Variants in COL14A1 observed in about 807,000 individuals in gnomAD.
COL14A1 encodes collagen alpha-1(XIV) chain.
A neutral mutation model predicts 230.3 loss-of-function variants in COL14A1; 136 were observed. The observed-to-expected ratio is 0.59, with a 90% CI of 0.51 to 0.68. COL14A1 has a LOEUF of 0.68. Ranked by LOEUF, COL14A1 falls within the 30% of genes least tolerant of loss-of-function variation. The probability of loss-of-function intolerance (pLI) is 0.00; values close to 1 mark genes in which losing one functional copy is unlikely to be tolerated. For missense variants in COL14A1, 1,976 were observed against 2,215.8 expected (o/e 0.89, Z 2.17); for synonymous variants, 792 against 784.1 (o/e 1.01, Z -0.17).
At chr8:120,136,574 T>C (rs763880844) in intron 1 of COL14A1, among the ~76,000 whole-genome samples, 2 of 152,174 alleles carry the variant, frequency 1.3e-5, no homozygotes, top group Non-Finnish European at 2.9e-5. Flanking sequence ...TGTTAAATGC[T>C]ATTTGATAAT....
chr8:120,302,841 T>C (rs7829213), intron 36 of COL14A1, among the ~76,000 whole-genome samples: 82,151 of 152,102 alleles, frequency 0.54, 23,999 homozygotes, highest in African/African-American at 0.78. Context: ...AGGATGGCCA[T>C]TTTAACAGTA....
chr8:120,148,872 G>A (rs1815181258), intron 2 of COL14A1, among the ~76,000 whole-genome samples: 1 of 152,100 alleles, frequency 6.6e-6, no homozygotes, highest in Non-Finnish European at 1.5e-5. Flanking sequence ...TAAGTCTGGG[G>A]CTGAAAAACT....
intron 40 of COL14A1, among the ~76,000 whole-genome samples, chr8:120,316,369 C>T (rs77318626): frequency 0.025 from 3,746 of 152,176 alleles, 145 homozygotes; most frequent in African/African-American, 0.084. Flanking sequence ...AATAGAATGG[C>T]TTTCTGTAGT....
chr8:120,240,323 C>G (rs1401776854), intron 19 of COL14A1, among the ~76,000 whole-genome samples: 1 of 151,982 alleles, frequency 6.6e-6, no homozygotes, highest in Non-Finnish European at 1.5e-5. Context: ...AGGGACTCAC[C>G]TGAGGGTTCT....
intron 5 of COL14A1, among the ~76,000 whole-genome samples, chr8:120,188,867 AT>A (rs748218630): frequency 3.9e-5 from 6 of 152,188 alleles, no homozygotes; most frequent in Non-Finnish European, 8.8e-5. Context: ...TAGCTGCTGG[AT>A]TTTACACATT....
At chr8:120,326,465 A>G (rs1458068012) in intron 40 of COL14A1, among the ~76,000 whole-genome samples, 1 of 152,224 alleles carries the variant, frequency 6.6e-6, no homozygotes, top group Non-Finnish European at 1.5e-5. Flanking sequence ...TTTCTGGGTA[A>G]TATGACAAAT....
intron 23 of COL14A1, among the ~76,000 whole-genome samples, chr8:120,257,417 T>C (rs995848029): frequency 2.0e-5 from 3 of 152,186 alleles, no homozygotes; most frequent in African/African-American, 7.2e-5. Context: ...AAGATTCTAA[T>C]TGACAACTGG....
chr8:120,168,137 G>A lies in COL14A1; in HGVS notation c.350-24G>A, dbSNP rs143608048. On this transcript the variant is annotated intron_variant, in intron 4 of 47. Coordinates refer to ENST00000297848, the MANE Select transcript of COL14A1 (RefSeq NM_021110.4). ...CTTTTAGATTTTAGTATAACATGGT[G>A]CTGTATCTCTACTTTTCTTCCAGTT... is the stretch of plus-strand genomic sequence containing the variant. 1,416 of 1,481,986 alleles carry A rather than the reference G, an allele frequency of 9.6e-4. 2 individuals are homozygous for A. Among genetic ancestry groups the A allele is most frequent in the Non-Finnish European group, 1.2e-3 (1,308 of 1,065,296 alleles). The allele number at this position is 1,481,986 out of a possible 1,614,324, so 91.8% of individuals were successfully genotyped here. A position where few individuals can be genotyped will look rare whatever the true frequency, so the allele number is the denominator to read the frequency against.
At chr8:120,252,006 T>A (rs758902286) in intron 22 of COL14A1, among the ~76,000 whole-genome samples, 10 of 151,804 alleles carry the variant, frequency 6.6e-5, no homozygotes, top group Non-Finnish European at 1.2e-4. Context: ...TTTTTCTAGC[T>A]TTATTGAGGT....
At chr8:120,345,675 A>C in intron 45 of COL14A1, 112 bp downstream of exon 45, 1 of 909,264 alleles carries the variant, frequency 1.1e-6, no homozygotes, top group Non-Finnish European at 1.5e-6. Context: ...ACTTAAATTA[A>C]TTCTGCCCCA....
At chr8:120,321,693 A>C (rs1350206965) in intron 40 of COL14A1, among the ~76,000 whole-genome samples, 4 of 152,030 alleles carry the variant, frequency 2.6e-5, no homozygotes, top group Non-Finnish European at 2.9e-5. Context: ...GGACACAGGC[A>C]TGGTACAAAT....
At chr8:120,159,512 C>T (rs1452285667) in intron 3 of COL14A1, among the ~76,000 whole-genome samples, 1 of 151,902 alleles carries the variant, frequency 6.6e-6, no homozygotes, top group Admixed American at 6.6e-5. Flanking sequence ...TATGGAGCTA[C>T]AAGCCTTTCA....
chr8:120,141,443 G>T (rs2130433099), intron 1 of COL14A1, among the ~76,000 whole-genome samples: 1 of 152,126 alleles, frequency 6.6e-6, no homozygotes, highest in African/African-American at 2.4e-5. Flanking sequence ...TGCTTGGAAG[G>T]CTGAGGTGGG....
intron 14 of COL14A1, among the ~76,000 whole-genome samples, chr8:120,217,172 A>G (rs1817777422): frequency 6.6e-6 from 1 of 152,204 alleles, no homozygotes; most frequent in South Asian, 2.1e-4. Flanking sequence ...TGTATTAAAA[A>G]TAATGTCACT....
chr8:120,219,529 C>T lies in COL14A1; in HGVS notation c.1737+3039C>T, dbSNP rs369723271. ...ATAGTTGGAGCTTTCTACCTGTGCC[C>T]TTACCTGGTGGAAGGAGCAGACAAG... On this transcript the variant is annotated intron_variant, in intron 14 of 47. Coordinates refer to ENST00000297848, the MANE Select transcript of COL14A1 (RefSeq NM_021110.4). 8.3e-4 allele frequency among the ~76,000 whole-genome samples: 126 copies of T among 152,276 alleles called. 1 individual carries two copies. The highest frequency in any genetic ancestry group is 3.0e-3 in the African/African-American group (123 of 41,548).
At chr8:120,312,061 C>A (rs1821061471) in intron 37 of COL14A1, among the ~76,000 whole-genome samples, 1 of 152,034 alleles carries the variant, frequency 6.6e-6, no homozygotes, top group Non-Finnish European at 1.5e-5. Context: ...CACACCACTG[C>A]ACTCCAGCCT....
chr8:120,185,071 G>A (rs1338519349), intron 5 of COL14A1, among the ~76,000 whole-genome samples: 2 of 152,194 alleles, frequency 1.3e-5, no homozygotes, highest in Non-Finnish European at 2.9e-5. Flanking sequence ...GATAAAAGGA[G>A]TGAGTCACGG....
At chr8:120,370,131 T>C (rs1054166615) in intron 47 of COL14A1, among the ~76,000 whole-genome samples, 5 of 152,186 alleles carry the variant, frequency 3.3e-5, no homozygotes, top group African/African-American at 1.2e-4. Flanking sequence ...TTTTCTGACA[T>C]AGTCACTCTT....
chr8:120,258,523 A>G (rs1420619530), intron 23 of COL14A1, among the ~76,000 whole-genome samples: 2 of 152,288 alleles, frequency 1.3e-5, no homozygotes, highest in South Asian at 2.1e-4. Flanking sequence ...TCCCCAAACC[A>G]TAAAGACCAA....
Sources: allele counts gnomAD v4.1 joint callset (sites outside exome capture counted in the v4.1 genomes callset), GRCh38; gene constraint gnomAD v4.1.1; transcripts MANE v1.5; gene names NCBI Gene and HGNC (gene_info 2026-07-23, HGNC 2026-07-21).